CCNJ: variants seen among roughly 807,000 people sequenced by gnomAD.
CCNJ encodes the protein cyclin J, also known as cyclin-J.
CCNJ carries 12 observed loss-of-function variants against 41.4 expected under a neutral mutation model. The observed-to-expected ratio is 0.29, with a 90% confidence interval of 0.19 to 0.47. The LOEUF is 0.47. Ranked by LOEUF, CCNJ falls within the 20% of genes least tolerant of loss-of-function variation. The pLI is 1.00. For missense variants in CCNJ, 340 were observed against 464.6 expected (o/e 0.73, Z 2.47); for synonymous variants, 161 against 173.4 (o/e 0.93, Z 0.56).
intron 3 of CCNJ, among the ~76,000 whole-genome samples, chr10:96,056,166 A>G (rs926173180): frequency 1.9e-4 from 29 of 151,972 alleles, no homozygotes; most frequent in Admixed American, 3.3e-4. Context: ...AAAATTAGCC[A>G]GGCGTGGTGG....
At chr10:96,044,608 T>C (rs2080309751) in intron 2 of CCNJ, 146 bp downstream of exon 2, 1 of 551,944 alleles carries the variant, frequency 1.8e-6, no homozygotes, top group East Asian at 3.5e-5. Context: ...TCAAGGTTAA[T>C]TAACTTCTTG....
intron 2 of CCNJ, among the ~76,000 whole-genome samples, 169 bp from the exon 3 acceptor site, chr10:96,050,087 T>C (rs2080480990): frequency 1.3e-5 from 2 of 152,206 alleles, no homozygotes; most frequent in Non-Finnish European, 1.5e-5. Flanking sequence ...TGGTTTTAAA[T>C]GTCATTCATT....
rs568847040 is a variant in CCNJ, at chr10:96,056,817, T to C, written c.397T>C (p.Leu133=). 3.4e-4 allele frequency: 554 copies of C among 1,614,080 alleles called. 3 individuals are homozygous for C. In the South Asian group the frequency reaches 5.8e-3, roughly 17 times the overall value. ...TKQNLLHMEL[L]LLETFQWNLC... is the part of the protein sequence containing the mutation. The stretch of plus-strand genomic sequence containing the variant: ...ACAAAATTTGCTACATATGGAACTA[T>C]TATTATTAGAAACCTTTCAGTGGAA... The change falls in exon 4 of 6, where the codon TTA becomes CTA. Residue 133 remains leucine (L), a synonymous_variant. Transcript: ENST00000465148.
At chr10:96,055,840 G>A (rs2080670048) in intron 3 of CCNJ, among the ~76,000 whole-genome samples, 1 of 152,074 alleles carries the variant, frequency 6.6e-6, no homozygotes, top group Non-Finnish European at 1.5e-5. Context: ...TTTGAATTCA[G>A]AAGAAGTGGG....
At chr10:96,046,433 C>T (rs779040310) in intron 2 of CCNJ, among the ~76,000 whole-genome samples, 5 of 152,164 alleles carry the variant, frequency 3.3e-5, no homozygotes, top group Admixed American at 6.5e-5. Flanking sequence ...CTAGAAAAGA[C>T]GTGGTAATTC....
At chr10:96,046,222 G>C (rs2080359500) in intron 2 of CCNJ, among the ~76,000 whole-genome samples, 1 of 152,198 alleles carries the variant, frequency 6.6e-6, no homozygotes, top group Admixed American at 6.5e-5. Flanking sequence ...AGGGTGTGAA[G>C]GAATGCCACT....
At chr10:96,044,028 G>A (rs1239848942) in intron 1 of CCNJ, among the ~76,000 whole-genome samples, 1 of 152,186 alleles carries the variant, frequency 6.6e-6, no homozygotes, top group East Asian at 1.9e-4. Context: ...AGCCCCGGAC[G>A]CAGGGAGCCC....
chr10:96,044,528 C>T, intron 2 of CCNJ, 66 bp downstream of exon 2: 1 of 1,285,350 alleles, frequency 7.8e-7, no homozygotes, highest in Non-Finnish European at 1.0e-6. Context: ...AATCTCGGCT[C>T]TCTAGAAGGT....
intron 2 of CCNJ, 99 bp downstream of exon 2, chr10:96,044,561 A>G (rs566721187): frequency 3.2e-6 from 3 of 938,728 alleles, no homozygotes; most frequent in East Asian, 3.1e-5. Flanking sequence ...TTTACTCACT[A>G]TCTTCCGGGC....
Position 96,059,183 on chromosome 10 carries a change from A to G in CCNJ, c.*942A>G, listed in dbSNP as rs1267318385. ...TCCATGATTTATACTCAGAATCGAC[A>G]TTCTTAAAAAGTTATTTCAAGGGAT... On this transcript the variant is annotated 3_prime_UTR_variant, in exon 6 of 6. Transcript: ENST00000465148. 1.3e-5 allele frequency: 2 copies of G among 152,642 alleles called. No homozygotes were observed. Among genetic ancestry groups the G allele is most frequent in the Admixed American group, 6.5e-5 (1 of 15,278 alleles). The allele number at this position is 152,642 out of a possible 1,614,324, so 9.5% of individuals were successfully genotyped here. A position where few individuals can be genotyped will look rare whatever the true frequency, so the allele number is the denominator to read the frequency against.
chr10:96,050,577 T>C, intron 3 of CCNJ, 111 bp downstream of exon 3: 1 of 766,028 alleles, frequency 1.3e-6, no homozygotes, highest in East Asian at 2.7e-5. Flanking sequence ...TCCAGTTCAC[T>C]AGTATCAAGA....
intron 2 of CCNJ, among the ~76,000 whole-genome samples, chr10:96,046,051 T>G (rs1218842451): frequency 1.3e-5 from 2 of 152,232 alleles, no homozygotes; most frequent in Admixed American, 1.3e-4. Flanking sequence ...CTGCATTTTG[T>G]CAATTGAGTT....
chr10:96,047,327 C>T (rs941357189), intron 2 of CCNJ, among the ~76,000 whole-genome samples: 7 of 152,080 alleles, frequency 4.6e-5, no homozygotes, highest in Admixed American at 6.6e-5. Context: ...CATGAGAAAT[C>T]GGCATCTTCC....
chr10:96,053,416 AATT>A (rs901360007), intron 3 of CCNJ, among the ~76,000 whole-genome samples: 25 of 152,202 alleles, frequency 1.6e-4, no homozygotes, highest in African/African-American at 4.6e-4. Context: ...TTAGCATGGT[AATT>A]ATTAATTCCT....
intron 1 of CCNJ, among the ~76,000 whole-genome samples, chr10:96,043,976 G>A (rs1013191344): frequency 2.0e-5 from 3 of 152,214 alleles, no homozygotes; most frequent in Non-Finnish European, 4.4e-5. Flanking sequence ...GGCTATGAGC[G>A]TGTCACCTCT....
chr10:96,050,166 C>A, intron 2 of CCNJ, 90 bp from the exon 3 acceptor site: 1 of 873,214 alleles, frequency 1.1e-6, no homozygotes, highest in South Asian at 1.4e-5. Flanking sequence ...ACTTGTAATA[C>A]TAATATATTG....
intron 2 of CCNJ, among the ~76,000 whole-genome samples, chr10:96,049,462 CTCTTT>C (rs1015600551): frequency 1.3e-4 from 17 of 134,612 alleles, no homozygotes; most frequent in Admixed American, 5.2e-4. Context: ...AGTCCCATTT[CTCTTT>C]TCTTTTTCTT....
At chr10:96,056,322 ACTATCTT>A (rs1564706972) in intron 3 of CCNJ, among the ~76,000 whole-genome samples, 2 of 151,688 alleles carry the variant, frequency 1.3e-5, no homozygotes, top group African/African-American at 4.8e-5. Flanking sequence ...AAAAAAAAAA[ACTATCTT>A]CTACTCTAAA....
At chr10:96,052,482 T>G (rs1396713271) in intron 3 of CCNJ, among the ~76,000 whole-genome samples, 1 of 152,230 alleles carries the variant, frequency 6.6e-6, no homozygotes, top group African/African-American at 2.4e-5. Flanking sequence ...CTGTGATTTT[T>G]AAAGTGTAGC....
Sources: allele counts gnomAD v4.1 joint callset (sites outside exome capture counted in the v4.1 genomes callset), GRCh38; gene constraint gnomAD v4.1.1; transcripts MANE v1.5; gene names NCBI Gene and HGNC (gene_info 2026-07-23, HGNC 2026-07-21).